The following POLA1 variants were observed in gnomAD, a reference collection of about 807,000 sequenced individuals.
The protein encoded by POLA1 is DNA polymerase alpha catalytic subunit.
Under a neutral mutation model 124.0 loss-of-function variants are expected in POLA1, and 15 were observed. That is an observed-to-expected ratio of 0.12 (90% CI 0.08 to 0.19). POLA1 has a LOEUF of 0.19. POLA1 is among the 10% of genes least tolerant of loss of function. The pLI, the probability that POLA1 is intolerant of heterozygous loss-of-function variation, is 1.00. For synonymous variants in POLA1, 408 were observed against 389.4 expected (o/e 1.05, Z -0.56); for missense variants, 886 against 1,103.4 (o/e 0.80, Z 2.79).
chrX:24,725,155 T>C (rs1930454889), intron 12 of POLA1, among the ~76,000 whole-genome samples: 1 of 109,828 alleles, frequency 9.1e-6, no homozygotes, highest in Admixed American at 9.8e-5. Context: ...CCCTATTACT[T>C]ACTAGCATGT....
chrX:24,785,347 C>G (rs1386571490), intron 26 of POLA1, among the ~76,000 whole-genome samples: 1 of 111,752 alleles, frequency 8.9e-6, no homozygotes, highest in African/African-American at 3.3e-5. Context: ...AGAATGGTCT[C>G]ATGAGTGGCT....
chrX:24,947,514 G>A (rs1384617382), intron 36 of POLA1, among the ~76,000 whole-genome samples: 1 of 109,836 alleles, frequency 9.1e-6, no homozygotes, highest in East Asian at 2.9e-4. Flanking sequence ...GAAGAGATCC[G>A]CCTGCCTTGG....
At chrX:24,775,256 T>C (rs1365547875) in intron 26 of POLA1, 2 of 111,542 alleles carry the variant, frequency 1.8e-5, no homozygotes, top group Admixed American at 1.9e-4. Flanking sequence ...CGCATTTTGC[T>C]GTTGATACTA....
chrX:24,774,911 G>C (rs1447159448), intron 26 of POLA1, among the ~76,000 whole-genome samples: 1 of 112,114 alleles, frequency 8.9e-6, no homozygotes, highest in African/African-American at 3.2e-5. Context: ...GGTTCTTTGA[G>C]ATTCTTTCAT....
intron 26 of POLA1, among the ~76,000 whole-genome samples, chrX:24,755,255 A>G (rs1216525033): frequency 8.9e-6 from 1 of 112,442 alleles, no homozygotes; most frequent in East Asian, 2.8e-4. Context: ...ATTTTGATAT[A>G]CAATTTTGCT....
intron 32 of POLA1, among the ~76,000 whole-genome samples, chrX:24,831,925 G>T (rs897131400): frequency 9.0e-6 from 1 of 111,575 alleles, no homozygotes; most frequent in Non-Finnish European, 1.9e-5. Flanking sequence ...AAGACCTGCT[G>T]TGCCTAGCAC....
chrX:24,820,712 GTT>G (rs1314702695), intron 30 of POLA1, among the ~76,000 whole-genome samples: 6 of 99,976 alleles, frequency 6.0e-5, no homozygotes, highest in Admixed American at 2.2e-4. Flanking sequence ...TATTTTAGAG[GTT>G]TTTTTTTTTT....
intron 35 of POLA1, among the ~76,000 whole-genome samples, chrX:24,921,908 G>GTGTGTGTGTGTGT (rs1569363662): frequency 3.6e-5 from 4 of 110,564 alleles, no homozygotes; most frequent in Admixed American, 1.9e-4. Flanking sequence ...GTGTGTGTGT[G>GTGTGTGTGTGTGT]ATGGGGGTGG....
chrX:24,875,795 G>T (rs2046922015), intron 34 of POLA1, among the ~76,000 whole-genome samples: 1 of 111,980 alleles, frequency 8.9e-6, no homozygotes, highest in Non-Finnish European at 1.9e-5. Flanking sequence ...ACTGGGCTGT[G>T]TTTAGAATGC....
chrX:24,717,784 G>A (rs756253444), intron 10 of POLA1, 26 bp downstream of exon 10: 5 of 1,005,615 alleles, frequency 5.0e-6, no homozygotes, highest in Non-Finnish European at 6.8e-6. Flanking sequence ...GTAACTATAT[G>A]CCTTTAACTC....
intron 4 of POLA1, among the ~76,000 whole-genome samples, chrX:24,710,992 C>T (rs780011518): frequency 1.8e-5 from 2 of 110,542 alleles, no homozygotes; most frequent in South Asian, 7.7e-4. Context: ...CCTTTTCTTT[C>T]TTTTTTCTGA....
At position 24,986,729 on chromosome X, in the gene POLA1, C is replaced by CAT. The variant is rs763067129; in HGVS notation, c.4262-9061_4262-9060dup. The stretch of plus-strand genomic sequence containing the variant: ...GACAGAGTAAGACCCTGTCTCTTAA[C>CAT]ATATATATATATATATGTATGTATG... On this transcript the variant is annotated intron_variant, in intron 36 of 36. Transcript: ENST00000379068. Among the ~76,000 whole-genome samples, 439 of 107,302 alleles carry CAT rather than the reference C, an allele frequency of 4.1e-3. 2 individuals carry two copies. Among genetic ancestry groups the CAT allele is most frequent in the Admixed American group, 9.0e-3 (90 of 9,956 alleles). The allele number at this position is 107,302 out of a possible 115,157, so 93.2% of individuals were successfully genotyped here.
intron 35 of POLA1, among the ~76,000 whole-genome samples, chrX:24,889,169 C>T (rs1324651665): frequency 9.0e-6 from 1 of 111,409 alleles, no homozygotes; most frequent in African/African-American, 3.3e-5. Flanking sequence ...CGCACCCGGC[C>T]ACTCAAGCCA....
intron 35 of POLA1, among the ~76,000 whole-genome samples, chrX:24,908,784 G>A (rs774466719): frequency 9.0e-6 from 1 of 111,435 alleles, no homozygotes; most frequent in Non-Finnish European, 1.9e-5. Context: ...AGTATTTCTA[G>A]TTCTAGATCC....
At chrX:24,704,892 T>G (rs1485657763) in intron 4 of POLA1, among the ~76,000 whole-genome samples, 1 of 112,220 alleles carries the variant, frequency 8.9e-6, no homozygotes, top group Admixed American at 9.5e-5. Flanking sequence ...TTTGTCTAAT[T>G]GAAATTTAAA....
At chrX:24,784,466 C>T (rs1280445651) in intron 26 of POLA1, among the ~76,000 whole-genome samples, 1 of 110,318 alleles carries the variant, frequency 9.1e-6, no homozygotes. Context: ...GGCCGATCAC[C>T]TGAGGTCAGA....
At chrX:24,898,633 T>C (rs1321506760) in intron 35 of POLA1, among the ~76,000 whole-genome samples, 1 of 112,213 alleles carries the variant, frequency 8.9e-6, no homozygotes, top group Non-Finnish European at 1.9e-5. Context: ...TATTGACTTA[T>C]TATGCAACCT....
chrX:24,974,349 A>G (rs2048340384), intron 36 of POLA1, among the ~76,000 whole-genome samples: 1 of 111,767 alleles, frequency 8.9e-6, no homozygotes, highest in African/African-American at 3.3e-5. Flanking sequence ...CCCACAAATA[A>G]TGATTGGCAC....
At chrX:24,918,042 A>G (rs1020369427) in intron 35 of POLA1, among the ~76,000 whole-genome samples, 3 of 110,756 alleles carry the variant, frequency 2.7e-5, no homozygotes, top group Non-Finnish European at 5.7e-5. Context: ...AAGCCACACA[A>G]TTAACTACTA....
Sources: gnomAD v4.1 joint callset for allele counts (sites outside exome capture counted in the v4.1 genomes callset) on GRCh38, gnomAD v4.1.1 for gene constraint, MANE v1.5 for transcripts, NCBI Gene and HGNC (gene_info 2026-07-23, HGNC 2026-07-21) for gene names.